ROBO2: variants seen among roughly 807,000 people sequenced by gnomAD.
The protein encoded by ROBO2 is roundabout guidance receptor 2, also known as roundabout homolog 2.
Under a neutral mutation model 160.8 loss-of-function variants are expected in ROBO2, and 53 were observed. The ratio of observed to expected loss-of-function variants is 0.33; its 90% confidence interval spans 0.26 to 0.41. ROBO2 has a LOEUF of 0.41. Ranked by LOEUF, ROBO2 falls within the 10% of genes least tolerant of loss-of-function variation. ROBO2 has a pLI of 1.00. For synonymous variants in ROBO2, 664 were observed against 611.7 expected (o/e 1.09, Z -1.26); for missense variants, 1,577 against 1,722.4 (o/e 0.92, Z 1.49).
At chr3:77,634,782 C>T (rs1025166074) in intron 23 of ROBO2, 88 bp from the exon 25 acceptor site, 7 of 1,218,340 alleles carry the variant, frequency 5.7e-6, no homozygotes, top group Non-Finnish European at 7.3e-6. Flanking sequence ...GGTAGATTTA[C>T]AGGTTAGTCA....
intron 1 of ROBO2, among the ~76,000 whole-genome samples, chr3:77,059,784 T>A (rs1319716663): frequency 1.3e-5 from 2 of 152,168 alleles, no homozygotes; most frequent in Admixed American, 6.6e-5. Context: ...TTTATCTCAG[T>A]GTAAAACTCA....
intron 2 of ROBO2, among the ~76,000 whole-genome samples, chr3:77,404,031 A>G (rs909283841): frequency 2.0e-5 from 3 of 152,194 alleles, no homozygotes; most frequent in African/African-American, 7.2e-5. Flanking sequence ...CACAAATACC[A>G]TAGTTATTTT....
chr3:77,481,857 GA>G (rs1442718007), intron 4 of ROBO2, among the ~76,000 whole-genome samples: 1 of 152,114 alleles, frequency 6.6e-6, no homozygotes, highest in Non-Finnish European at 1.5e-5. Flanking sequence ...TAAAGTATTG[GA>G]AAGGAGAAAA....
chr3:77,580,967 G>A (rs1300462780), intron 16 of ROBO2, among the ~76,000 whole-genome samples: 1 of 152,106 alleles, frequency 6.6e-6, no homozygotes, highest in East Asian at 1.9e-4. Context: ...CAAGAAAAAT[G>A]ACTTCTAGTT....
intron 2 of ROBO2, among the ~76,000 whole-genome samples, chr3:77,390,113 A>C (rs2153499373): frequency 6.6e-6 from 1 of 152,296 alleles, no homozygotes; most frequent in African/African-American, 2.4e-5. Context: ...AATGAGATGA[A>C]GGTGGTAAGA....
intron 2 of ROBO2, among the ~76,000 whole-genome samples, chr3:76,353,072 C>A (rs1465680210): frequency 6.6e-6 from 1 of 151,978 alleles, no homozygotes; most frequent in Non-Finnish European, 1.5e-5. Flanking sequence ...TCGGACTTTG[C>A]ATTGTACACA....
At chr3:76,334,367 A>G (rs1559781648) in intron 2 of ROBO2, among the ~76,000 whole-genome samples, 1 of 152,178 alleles carries the variant, frequency 6.6e-6, no homozygotes, top group Admixed American at 6.5e-5. Context: ...TGGTGAATGT[A>G]TATTTGTTGA....
chr3:76,054,588 A>G (rs2107834141), intron 2 of ROBO2, among the ~76,000 whole-genome samples: 1 of 152,314 alleles, frequency 6.6e-6, no homozygotes, highest in Middle Eastern at 3.4e-3. Context: ...AGTAGGAGCT[A>G]AACAGTAGGG....
chr3:76,572,854 G>A (rs576188921), intron 2 of ROBO2, among the ~76,000 whole-genome samples: 6 of 152,182 alleles, frequency 3.9e-5, no homozygotes, highest in South Asian at 4.2e-4. Context: ...TCATAGTCCC[G>A]GGACACACTG....
intron 2 of ROBO2, among the ~76,000 whole-genome samples, chr3:77,301,363 T>C (rs937022937): frequency 6.6e-6 from 1 of 152,162 alleles, no homozygotes; most frequent in African/African-American, 2.4e-5. Flanking sequence ...GCTGATAATA[T>C]AATAAATTGC....
At chr3:76,942,220 T>C (rs2078235272) in intron 2 of ROBO2, among the ~76,000 whole-genome samples, 1 of 152,230 alleles carries the variant, frequency 6.6e-6, no homozygotes, top group African/African-American at 2.4e-5. Flanking sequence ...CTCACTGATT[T>C]GTTTTCCTTT....
At chr3:77,452,755 T>G (rs1297693659) in intron 2 of ROBO2, among the ~76,000 whole-genome samples, 1 of 150,790 alleles carries the variant, frequency 6.6e-6, no homozygotes, top group African/African-American at 2.5e-5. Context: ...TTTTGTGTCC[T>G]AAAACCAAAA....
intron 2 of ROBO2, among the ~76,000 whole-genome samples, chr3:76,001,146 G>A (rs193069587): frequency 1.3e-4 from 20 of 152,228 alleles, no homozygotes; most frequent in Non-Finnish European, 2.8e-4. Context: ...GTTGGACAAA[G>A]TACATTAGCA....
At chr3:76,461,870 T>C (rs2106800092) in intron 2 of ROBO2, among the ~76,000 whole-genome samples, 1 of 152,322 alleles carries the variant, frequency 6.6e-6, no homozygotes, top group South Asian at 2.1e-4. Context: ...TAGAAGCCTT[T>C]TTATTTAAAA....
intron 2 of ROBO2, among the ~76,000 whole-genome samples, chr3:76,535,082 G>A (rs192643238): frequency 3.1e-3 from 467 of 152,086 alleles, no homozygotes; most frequent in Non-Finnish European, 5.2e-3. Flanking sequence ...AAGTAAAGGC[G>A]AAAAGAGGCT....
intron 2 of ROBO2, among the ~76,000 whole-genome samples, chr3:76,223,253 T>C (rs1453585286): frequency 6.6e-6 from 1 of 151,990 alleles, no homozygotes; most frequent in Non-Finnish European, 1.5e-5. Context: ...AATTGGTAGA[T>C]CCTGAAGAGA....
chr3:77,540,524 C>T (rs2092410304), intron 6 of ROBO2, among the ~76,000 whole-genome samples: 1 of 151,106 alleles, frequency 6.6e-6, no homozygotes, highest in Non-Finnish European at 1.5e-5. Flanking sequence ...ACAATGTGAA[C>T]ACATAGGCAC....
chr3:75,971,639 T>C (rs1034605235), intron 2 of ROBO2, among the ~76,000 whole-genome samples: 2 of 151,576 alleles, frequency 1.3e-5, no homozygotes, highest in African/African-American at 4.8e-5. Flanking sequence ...AATTAGCTAT[T>C]TTTTGAAGTA....
chr3:77,302,575 A>G (rs2062755567), intron 2 of ROBO2, among the ~76,000 whole-genome samples: 1 of 152,158 alleles, frequency 6.6e-6, no homozygotes, highest in Admixed American at 6.6e-5. Context: ...CTTAAAGGTT[A>G]TACTGATGTG....
Sources: gnomAD v4.1 joint callset for allele counts (sites outside exome capture counted in the v4.1 genomes callset) on GRCh38, gnomAD v4.1.1 for gene constraint, MANE v1.5 for transcripts, NCBI Gene and HGNC (gene_info 2026-07-23, HGNC 2026-07-21) for gene names.